RNF150: variants seen among roughly 807,000 people sequenced by gnomAD.
RNF150 encodes the protein ring finger protein 150.
In RNF150, 24 loss-of-function variants were observed where a neutral mutation model predicts 39.3. The observed-to-expected ratio is 0.61, with a 90% confidence interval of 0.44 to 0.86. RNF150 has a LOEUF of 0.86. RNF150 is among the 40% of genes least tolerant of loss of function. The pLI is 0.00. For synonymous variants in RNF150, 255 were observed against 227.3 expected (o/e 1.12, Z -1.10); for missense variants, 502 against 587.8 (o/e 0.85, Z 1.51).
chr4:140,929,736 T>C (rs767884799), intron 4 of RNF150, among the ~76,000 whole-genome samples: 2 of 152,188 alleles, frequency 1.3e-5, no homozygotes, highest in Non-Finnish European at 2.9e-5. Flanking sequence ...CAAGTCAAGA[T>C]GTTGCTATGA....
At chr4:141,180,850 C>T (rs185998642) in intron 1 of RNF150, among the ~76,000 whole-genome samples, 11 of 152,266 alleles carry the variant, frequency 7.2e-5, no homozygotes, top group African/African-American at 2.6e-4. Context: ...TCAGGTACTG[C>T]AATTCCTAGA....
chr4:140,905,330 T>G (rs1162044975), intron 6 of RNF150, among the ~76,000 whole-genome samples: 1 of 152,134 alleles, frequency 6.6e-6, no homozygotes, highest in African/African-American at 2.4e-5. Context: ...TCAAGACATT[T>G]AGGAACTAAT....
chr4:141,092,394 T>A (rs1738618093), intron 1 of RNF150, among the ~76,000 whole-genome samples: 1 of 152,048 alleles, frequency 6.6e-6, no homozygotes, highest in African/African-American at 2.4e-5. Context: ...TTTGTTGGCA[T>A]CAAGCAAAAG....
chr4:140,947,646 T>C lies in RNF150; in HGVS notation c.890+8A>G. 6.2e-7 allele frequency: 1 copy of C among 1,606,758 alleles called. No individual in the cohort carries two copies. Among genetic ancestry groups the C allele is most frequent in the Non-Finnish European group, 8.5e-7 (1 of 1,174,846 alleles). On this transcript the variant is annotated splice_region_variant and intron_variant, in intron 4 of 6. Transcript: ENST00000515673. ...ACCCAATCAAAAGCAGGCAGCCTAG[T>C]GACTCACCGGCAGGGCAGGATCCGG... is the stretch of plus-strand genomic sequence containing the variant.
Position 141,032,496 on chromosome 4 carries a change from T to C in RNF150, c.485-64623A>G, listed in dbSNP as rs1009732568. On this transcript the variant is annotated intron_variant, in intron 1 of 6. Transcript: ENST00000515673. ...TAACTACTAAGTGAGGTGATGAATA[T>C]GTTACCTCTGTGGCTGTGGTAATCA... Among the ~76,000 whole-genome samples the C allele has an allele frequency of 3.3e-5, 5 of 152,318 alleles. No homozygotes were observed. In the South Asian group the frequency reaches 6.2e-4, roughly 19 times the overall value.
chr4:141,050,371 C>G (rs1736731531), intron 1 of RNF150, among the ~76,000 whole-genome samples: 1 of 152,158 alleles, frequency 6.6e-6, no homozygotes, highest in Non-Finnish European at 1.5e-5. Flanking sequence ...ATGAATCATG[C>G]CTTCCCAACA....
chr4:141,133,584 A>T (rs946211696), upstream of RNF150: 2 of 152,192 alleles, frequency 1.3e-5, no homozygotes, highest in African/African-American at 2.4e-5. Flanking sequence ...CTTTATGGGC[A>T]GCAGCGACCC....
chr4:141,000,087 G>GAAGGAGA (rs1553935774), intron 1 of RNF150, among the ~76,000 whole-genome samples: 2 of 35,932 alleles, frequency 5.6e-5, no homozygotes, highest in African/African-American at 1.2e-4. Flanking sequence ...GAAGAAGAAG[G>GAAGGAGA]AGAAGAAGAA....
At chr4:141,079,941 G>A (rs536633138) in intron 1 of RNF150, among the ~76,000 whole-genome samples, 62 of 152,256 alleles carry the variant, frequency 4.1e-4, no homozygotes, top group Middle Eastern at 3.4e-3. Context: ...GCATTGCTAC[G>A]ATGACCATGT....
intron 1 of RNF150, among the ~76,000 whole-genome samples, chr4:141,201,535 G>T (rs143710423): frequency 7.1e-6 from 1 of 141,536 alleles, no homozygotes; most frequent in African/African-American, 2.6e-5. Context: ...GGTTTACAAA[G>T]AAATTTTTCC....
chr4:141,094,810 A>C lies in RNF150; in HGVS notation c.484+37515T>G, dbSNP rs548425430. On this transcript the variant is annotated intron_variant, in intron 1 of 6. Coordinates refer to ENST00000515673, the MANE Select transcript of RNF150 (RefSeq NM_020724.2). ...ACACCAAATGGTCTGAGATACAAGA[A>C]GTCATCAAGCATTGGTAAACATATG... 2.6e-5 allele frequency among the ~76,000 whole-genome samples: 4 copies of C among 152,394 alleles called. No individual in the cohort carries two copies. In the South Asian group the frequency reaches 8.3e-4, roughly 32 times the overall value.
intron 1 of RNF150, among the ~76,000 whole-genome samples, chr4:141,175,644 G>C (rs960196372): frequency 1.3e-5 from 2 of 152,198 alleles, no homozygotes; most frequent in African/African-American, 2.4e-5. Context: ...AAGAGGTCAT[G>C]ATTGATTGCA....
intron 4 of RNF150, among the ~76,000 whole-genome samples, chr4:140,927,357 C>A (rs1225427880): frequency 1.3e-5 from 2 of 152,168 alleles, no homozygotes; most frequent in Non-Finnish European, 2.9e-5. Context: ...GAATTGTAAT[C>A]TCCAGTTTGG....
intron 1 of RNF150, among the ~76,000 whole-genome samples, chr4:141,108,669 A>G (rs1425688128): frequency 6.6e-6 from 1 of 152,218 alleles, no homozygotes; most frequent in African/African-American, 2.4e-5. Context: ...ACCAGTGGTG[A>G]TTTAGGTTCA....
chr4:141,067,033 TA>T (rs1473533562), intron 1 of RNF150, among the ~76,000 whole-genome samples: 1 of 152,180 alleles, frequency 6.6e-6, no homozygotes, highest in Non-Finnish European at 1.5e-5. Flanking sequence ...TCTGTGTATC[TA>T]AACACATCTA....
chr4:141,210,505 G>T (rs567059361), intron 1 of RNF150, among the ~76,000 whole-genome samples: 1 of 148,530 alleles, frequency 6.7e-6, no homozygotes, highest in African/African-American at 2.5e-5. Flanking sequence ...TTTTTTCCAG[G>T]GAGAGGGTAG....
At chr4:141,129,040 T>C (rs1726827050) in intron 1 of RNF150, among the ~76,000 whole-genome samples, 2 of 152,232 alleles carry the variant, frequency 1.3e-5, no homozygotes, top group Non-Finnish European at 2.9e-5. Context: ...ATGATGCAGT[T>C]GTTTTGGAAA....
At chr4:141,159,326 G>C (rs1727472624) in intron 1 of RNF150, among the ~76,000 whole-genome samples, 1 of 152,122 alleles carries the variant, frequency 6.6e-6, no homozygotes, top group South Asian at 2.1e-4. Context: ...TTAGTTTGTA[G>C]ACACTGAAAT....
At chr4:141,171,574 C>T (rs1309710409) in intron 1 of RNF150, among the ~76,000 whole-genome samples, 1 of 151,974 alleles carries the variant, frequency 6.6e-6, no homozygotes, top group Admixed American at 6.6e-5. Context: ...GTCTTAGTTT[C>T]CTCTGAGGGA....
Sources: gnomAD v4.1 joint callset for allele counts (sites outside exome capture counted in the v4.1 genomes callset) on GRCh38, gnomAD v4.1.1 for gene constraint, MANE v1.5 for transcripts, NCBI Gene and HGNC (gene_info 2026-07-23, HGNC 2026-07-21) for gene names.